Variants in CTNND2 observed in about 807,000 individuals in gnomAD.
The protein encoded by CTNND2 is catenin delta-2.
In CTNND2, 22 loss-of-function variants were observed where a neutral mutation model predicts 144.4. The observed-to-expected ratio is 0.15, with a 90% CI of 0.11 to 0.22. The LOEUF (loss-of-function observed/expected upper bound fraction) is 0.22. Ranked by LOEUF, CTNND2 falls within the 10% of genes least tolerant of loss-of-function variation. The pLI, the probability that CTNND2 is intolerant of heterozygous loss-of-function variation, is 1.00. For missense variants in CTNND2, 1,353 were observed against 1,618.8 expected, an observed-to-expected ratio of 0.84 and a Z score of 2.82; for synonymous variants, 751 against 695.6, an observed-to-expected ratio of 1.08 and a Z score of -1.25.
At chr5:11,416,056 A>G (rs1205242395) in intron 3 of CTNND2, among the ~76,000 whole-genome samples, 1 of 152,196 alleles carries the variant, frequency 6.6e-6, no homozygotes, top group Non-Finnish European at 1.5e-5. Flanking sequence ...CACACTGACC[A>G]AAACAAAAAG....
chr5:11,766,859 A>G (rs967857173), intron 1 of CTNND2, among the ~76,000 whole-genome samples: 1 of 152,190 alleles, frequency 6.6e-6, no homozygotes, highest in Admixed American at 6.5e-5. Context: ...ATTTCAGGGC[A>G]ATATTTCTAA....
At chr5:11,162,671 A>G (rs919782959) in intron 11 of CTNND2, among the ~76,000 whole-genome samples, 1 of 151,216 alleles carries the variant, frequency 6.6e-6, no homozygotes, top group African/African-American at 2.4e-5. Flanking sequence ...AAGTCTTGGT[A>G]AAGTGGATGG....
intron 2 of CTNND2, among the ~76,000 whole-genome samples, chr5:11,655,041 G>C (rs185438161): frequency 6.6e-6 from 1 of 152,168 alleles, no homozygotes; most frequent in African/African-American, 2.4e-5. Flanking sequence ...TGCCCTGTTG[G>C]AAGATTATTA....
At chr5:11,673,174 A>C (rs1783993611) in intron 2 of CTNND2, among the ~76,000 whole-genome samples, 1 of 152,044 alleles carries the variant, frequency 6.6e-6, no homozygotes, top group African/African-American at 2.4e-5. Context: ...AGAACACATC[A>C]CTCTCAAATC....
chr5:11,115,560 T>C (rs952437409), intron 13 of CTNND2, among the ~76,000 whole-genome samples: 8 of 152,242 alleles, frequency 5.3e-5, no homozygotes, highest in African/African-American at 1.9e-4. Flanking sequence ...TCAAGACATC[T>C]TGACTGGTCA....
chr5:11,778,225 C>T (rs1168040108), intron 1 of CTNND2, among the ~76,000 whole-genome samples: 2 of 152,110 alleles, frequency 1.3e-5, no homozygotes, highest in Non-Finnish European at 2.9e-5. Flanking sequence ...CCAATCCCAT[C>T]CTAGTTGTCC....
intron 2 of CTNND2, among the ~76,000 whole-genome samples, chr5:11,669,593 T>C (rs1030370006): frequency 3.3e-5 from 5 of 152,226 alleles, no homozygotes; most frequent in African/African-American, 9.6e-5. Flanking sequence ...TTTGTATTTC[T>C]GTGGGATCGG....
chr5:11,645,423 T>C (rs1360431734), intron 2 of CTNND2, among the ~76,000 whole-genome samples: 2 of 152,214 alleles, frequency 1.3e-5, no homozygotes, highest in Non-Finnish European at 2.9e-5. Flanking sequence ...TTTAAAAAGT[T>C]ACATTAAAAA....
At chr5:11,288,959 C>G (rs1748031939) in intron 9 of CTNND2, among the ~76,000 whole-genome samples, 1 of 152,144 alleles carries the variant, frequency 6.6e-6, no homozygotes, top group South Asian at 2.1e-4. Context: ...TGTGGAAACC[C>G]CGGCAGAGCA....
chr5:11,631,414 A>T (rs1006698096), intron 2 of CTNND2, among the ~76,000 whole-genome samples: 3 of 152,196 alleles, frequency 2.0e-5, no homozygotes, highest in African/African-American at 7.2e-5. Context: ...ATTATTTGGT[A>T]AGGAAAGGCC....
chr5:11,711,764 T>C (rs930459988), intron 2 of CTNND2, among the ~76,000 whole-genome samples: 1 of 152,238 alleles, frequency 6.6e-6, no homozygotes, highest in African/African-American at 2.4e-5. Context: ...ATTCACATCT[T>C]GATCTTTCAC....
At chr5:11,109,857 T>C (rs1344783084) in intron 14 of CTNND2, among the ~76,000 whole-genome samples, 1 of 152,240 alleles carries the variant, frequency 6.6e-6, no homozygotes, top group Non-Finnish European at 1.5e-5. Context: ...GAAACACATA[T>C]ATTTTGTACA....
chr5:11,390,491 A>G (rs1759535090), intron 6 of CTNND2, among the ~76,000 whole-genome samples: 2 of 152,226 alleles, frequency 1.3e-5, no homozygotes, highest in African/African-American at 4.8e-5. Flanking sequence ...AGTTAACAAG[A>G]GACCTGACAG....
At chr5:11,032,855 T>C (rs1166869797) in intron 16 of CTNND2, among the ~76,000 whole-genome samples, 1 of 152,258 alleles carries the variant, frequency 6.6e-6, no homozygotes, top group African/African-American at 2.4e-5. Context: ...GAGTTTAGGA[T>C]ACTTAGGAAG....
At chr5:11,028,946 T>C (rs1372326284) in intron 16 of CTNND2, among the ~76,000 whole-genome samples, 1 of 152,240 alleles carries the variant, frequency 6.6e-6, no homozygotes, top group Non-Finnish European at 1.5e-5. Context: ...TGGCCTCAAG[T>C]GATCTGCCCA....
intron 16 of CTNND2, among the ~76,000 whole-genome samples, chr5:11,082,412 G>C (rs574500172): frequency 1.1e-4 from 16 of 152,220 alleles, no homozygotes; most frequent in Non-Finnish European, 2.1e-4. Context: ...CAGCCTGTCA[G>C]AGATTCAGAG....
intron 17 of CTNND2, among the ~76,000 whole-genome samples, chr5:11,021,247 C>T (rs1742220519): frequency 6.6e-6 from 1 of 152,174 alleles, no homozygotes; most frequent in South Asian, 2.1e-4. Flanking sequence ...CCAAACCACT[C>T]CTCAAAGCTC....
intron 6 of CTNND2, among the ~76,000 whole-genome samples, chr5:11,386,795 G>A (rs1759129123): frequency 6.6e-6 from 1 of 152,162 alleles, no homozygotes; most frequent in South Asian, 2.1e-4. Context: ...AGAGACTCCA[G>A]GAATATTTGT....
intron 8 of CTNND2, among the ~76,000 whole-genome samples, chr5:11,364,128 T>C (rs1643519255): frequency 6.6e-6 from 1 of 152,228 alleles, no homozygotes; most frequent in African/African-American, 2.4e-5. Flanking sequence ...ATTGAAAATA[T>C]ATATTTAATC....
Sources: gnomAD v4.1 joint callset for allele counts (sites outside exome capture counted in the v4.1 genomes callset) on GRCh38, gnomAD v4.1.1 for gene constraint, MANE v1.5 for transcripts, NCBI Gene and HGNC (gene_info 2026-07-23, HGNC 2026-07-21) for gene names.